The following ZBTB7C variants were observed in gnomAD, a reference collection of about 807,000 sequenced individuals.
ZBTB7C encodes the protein zinc finger and BTB domain containing 7C.
In ZBTB7C, 8 loss-of-function variants were observed where a neutral mutation model predicts 25.7. That is an observed-to-expected ratio of 0.31 (90% CI 0.18 to 0.56). The LOEUF (loss-of-function observed/expected upper bound fraction) is 0.56, where lower values mean the gene tolerates loss of function less well. Among genes scored for constraint, ZBTB7C ranks in the 20% least tolerant of loss-of-function variants. The probability of loss-of-function intolerance (pLI) is 0.91; values close to 1 mark genes in which losing one functional copy is unlikely to be tolerated. For synonymous variants in ZBTB7C, 394 were observed against 369.0 expected (o/e 1.07, Z -0.78); for missense variants, 824 against 855.2 (o/e 0.96, Z 0.46).
At chr18:48,282,311 T>C (rs1309094018) in intron 2 of ZBTB7C, among the ~76,000 whole-genome samples, 2 of 73,412 alleles carry the variant, frequency 2.7e-5, no homozygotes, top group Non-Finnish European at 5.1e-5. Context: ...GGGCCTGTTG[T>C]GGGGTGGGGG....
At chr18:48,329,271 T>G (rs1230139008) in intron 2 of ZBTB7C, among the ~76,000 whole-genome samples, 2 of 152,208 alleles carry the variant, frequency 1.3e-5, no homozygotes, top group African/African-American at 4.8e-5. Context: ...TGACCACCAC[T>G]TTACAACGCA....
At chr18:48,037,607 G>A (rs2036031183) in intron 4 of ZBTB7C, among the ~76,000 whole-genome samples, 1 of 152,238 alleles carries the variant, frequency 6.6e-6, no homozygotes, top group Non-Finnish European at 1.5e-5. Flanking sequence ...GGAAGGCCCA[G>A]AGGAAAGGGA....
intron 2 of ZBTB7C, among the ~76,000 whole-genome samples, chr18:48,314,073 C>T (rs1055085210): frequency 2.6e-5 from 4 of 152,184 alleles, no homozygotes; most frequent in African/African-American, 4.8e-5. Flanking sequence ...GGCTGCAAAA[C>T]GGTAAGCCAA....
intron 3 of ZBTB7C, among the ~76,000 whole-genome samples, chr18:48,097,695 C>A (rs1013012681): frequency 6.6e-6 from 1 of 152,180 alleles, no homozygotes; most frequent in African/African-American, 2.4e-5. Flanking sequence ...CGGCGCCCAG[C>A]GTGGATAGAC....
intron 2 of ZBTB7C, among the ~76,000 whole-genome samples, chr18:48,208,066 C>T (rs1356838929): frequency 1.3e-5 from 2 of 152,100 alleles, no homozygotes; most frequent in African/African-American, 4.8e-5. Context: ...GACAGGACTG[C>T]AGTCAGAAGA....
intron 1 of ZBTB7C, among the ~76,000 whole-genome samples, chr18:48,383,558 G>A (rs551380316): frequency 1.3e-5 from 2 of 152,292 alleles, no homozygotes; most frequent in African/African-American, 4.8e-5. Context: ...GTGAGCTACC[G>A]TGCCTGGCCA....
At chr18:48,161,343 G>T (rs1451663594) in intron 3 of ZBTB7C, among the ~76,000 whole-genome samples, 4 of 150,424 alleles carry the variant, frequency 2.7e-5, no homozygotes, top group Admixed American at 1.3e-4. Flanking sequence ...CGATCCCTTG[G>T]AAGAGCCAGC....
At chr18:48,217,740 G>C (rs1351535707) in intron 2 of ZBTB7C, among the ~76,000 whole-genome samples, 1 of 152,130 alleles carries the variant, frequency 6.6e-6, no homozygotes, top group Non-Finnish European at 1.5e-5. Context: ...TCACTAGGCC[G>C]TGTCTCATAT....
chr18:48,042,009 CAGA>C (rs1014370189), intron 3 of ZBTB7C, among the ~76,000 whole-genome samples: 3 of 152,158 alleles, frequency 2.0e-5, no homozygotes, highest in Non-Finnish European at 4.4e-5. Flanking sequence ...TGGCAGCCAC[CAGA>C]AGAAAGCAGG....
intron 2 of ZBTB7C, among the ~76,000 whole-genome samples, chr18:48,318,950 CT>C (rs1568373275): frequency 1.3e-5 from 2 of 152,186 alleles, no homozygotes; most frequent in Non-Finnish European, 2.9e-5. Context: ...GCCCCCACCC[CT>C]GTAAACACAA....
intron 2 of ZBTB7C, among the ~76,000 whole-genome samples, chr18:48,323,178 C>T (rs578200206): frequency 1.3e-5 from 2 of 152,132 alleles, no homozygotes; most frequent in South Asian, 2.1e-4. Flanking sequence ...CCCCAAAAAC[C>T]TATGGAAATA....
At chr18:48,161,870 A>C (rs986802473) in intron 3 of ZBTB7C, among the ~76,000 whole-genome samples, 1 of 151,560 alleles carries the variant, frequency 6.6e-6, no homozygotes, top group Non-Finnish European at 1.5e-5. Context: ...CCGCGGCCGC[A>C]GCCTGTTTCC....
At chr18:48,231,784 C>T (rs770622182) in intron 2 of ZBTB7C, among the ~76,000 whole-genome samples, 2 of 152,222 alleles carry the variant, frequency 1.3e-5, no homozygotes, top group Admixed American at 6.5e-5. Flanking sequence ...GAAGCCCAGA[C>T]CAAGGAGCTC....
At chr18:48,192,517 G>A (rs1364043415) in intron 2 of ZBTB7C, among the ~76,000 whole-genome samples, 1 of 152,210 alleles carries the variant, frequency 6.6e-6, no homozygotes, top group Non-Finnish European at 1.5e-5. Flanking sequence ...AGGCTGGAGT[G>A]CAGTGGTGCG....
At chr18:48,313,320 G>C (rs2045866805) in intron 2 of ZBTB7C, among the ~76,000 whole-genome samples, 1 of 152,220 alleles carries the variant, frequency 6.6e-6, no homozygotes, top group South Asian at 2.1e-4. Flanking sequence ...AGGCCAGCAA[G>C]TGCAGACAGA....
At chr18:48,092,896 AC>A (rs1279945025) in intron 3 of ZBTB7C, among the ~76,000 whole-genome samples, 2 of 152,218 alleles carry the variant, frequency 1.3e-5, no homozygotes, top group Non-Finnish European at 2.9e-5. Context: ...GATAGATCAA[AC>A]TTTTGCTGAG....
chr18:48,234,186 C>T (rs577687507), intron 2 of ZBTB7C, among the ~76,000 whole-genome samples: 11 of 151,550 alleles, frequency 7.3e-5, no homozygotes, highest in South Asian at 6.3e-4. Flanking sequence ...TCTTCTGCAA[C>T]GCTATAGTCC....
intron 1 of ZBTB7C, among the ~76,000 whole-genome samples, chr18:48,347,858 C>T (rs1229737524): frequency 6.6e-6 from 1 of 152,170 alleles, no homozygotes; most frequent in Non-Finnish European, 1.5e-5. Flanking sequence ...GGGGATGAAA[C>T]ACCGAAGTCA....
At chr18:48,143,947 C>A (rs1426779211) in intron 3 of ZBTB7C, among the ~76,000 whole-genome samples, 1 of 152,196 alleles carries the variant, frequency 6.6e-6, no homozygotes, top group Non-Finnish European at 1.5e-5. Context: ...CTGAATATAA[C>A]AAGGACAAGC....
Sources: gnomAD v4.1 joint callset for allele counts (sites outside exome capture counted in the v4.1 genomes callset) on GRCh38, gnomAD v4.1.1 for gene constraint, MANE v1.5 for transcripts, NCBI Gene and HGNC (gene_info 2026-07-23, HGNC 2026-07-21) for gene names.